MICB: variants seen among roughly 807,000 people sequenced by gnomAD.
MICB encodes MHC class I polypeptide-related sequence B, also known as MHC class I antigen-related protein B.
Under a neutral mutation model 34.3 loss-of-function variants are expected in MICB, and 27 were observed. The observed-to-expected ratio is 0.79, with a 90% CI of 0.58 to 1.08. MICB has a LOEUF of 1.08. MICB is among the 50% of genes least tolerant of loss of function. The pLI, the probability that MICB is intolerant of heterozygous loss-of-function variation, is 0.00. For synonymous variants in MICB, 153 were observed against 187.4 expected (o/e 0.82, Z 1.50); for missense variants, 426 against 483.1 (o/e 0.88, Z 1.11).
intron 1 of MICB, 98 bp from the exon 2 acceptor site, chr6:31,505,519 G>T: frequency 6.6e-7 from 1 of 1,526,204 alleles, no homozygotes; most frequent in Non-Finnish European, 8.9e-7. Context: ...CGCATTTCCT[G>T]CCTCCTCAGG....
Position 31,498,192 on chromosome 6 carries a change from C to A in MICB, c.-2C>A. 6.3e-7 allele frequency: 1 copy of A among 1,581,078 alleles called. No individual in the cohort carries two copies. Among genetic ancestry groups the A allele is most frequent in the Non-Finnish European group, 8.6e-7 (1 of 1,161,738 alleles). ...AGCTGAGAAGGTGGCGACGTAGGGG[C>A]CATGGGGCTGGGCCGGGTCCTGCTG... On this transcript the variant is annotated 5_prime_UTR_variant, in exon 1 of 6. Transcript: ENST00000252229.
chr6:31,507,449 T>A lies in MICB; in HGVS notation c.942T>A (p.Ser314=). 1 of 1,614,194 alleles carries A rather than the reference T, an allele frequency of 6.2e-7. No individual in the cohort carries two copies. The highest frequency in any genetic ancestry group is 1.1e-5 in the South Asian group (1 of 91,080). Residue 314 remains serine, a synonymous_variant, in exon 5 of 6, where the codon TCT becomes TCA. Transcript: ENST00000252229. This position sits in a 1 kb window ranked among gnomAD's most constrained non-coding sequence, Gnocchi z 6.0. ...AACGGACAGACTTTCCATATGTTTC[T>A]GCTGCTATGCCATGTTTTGTTATTA... ...QSQRTDFPYV[S]AAMPCFVIII...
chr6:31,505,640 C>G lies in MICB; in HGVS notation c.94C>G (p.Leu32Val). 6.2e-7 allele frequency: 1 copy of G among 1,612,772 alleles called. No individual in the cohort carries two copies. The highest frequency in any genetic ancestry group is 8.5e-7 in the Non-Finnish European group (1 of 1,179,908). The change falls in exon 2 of 6, where the codon CTC becomes GTC. Residue 32 changes from leucine (L) to valine (V), a missense_variant. Leu to Val is a conservative substitution (Grantham distance 32). Coordinates refer to ENST00000252229, the MANE Select transcript of MICB (RefSeq NM_005931.5). ...AGAGCCCCACAGTCTTCGTTACAAC[C>G]TCATGGTGCTGTCCCAGGATGGATC... The part of the protein sequence containing the change: ...AAEPHSLRYN[L>V]MVLSQDGSVQ...
chr6:31,506,932 G>C (rs1765369305), intron 3 of MICB, 90 bp from the exon 4 acceptor site: 1 of 1,542,282 alleles, frequency 6.5e-7, no homozygotes, highest in African/African-American at 1.4e-5. Context: ...GATTCAGCCA[G>C]AGTGAGAACA....
intron 5 of MICB, among the ~76,000 whole-genome samples, chr6:31,509,418 C>G (rs1355595452): frequency 6.6e-6 from 1 of 152,172 alleles, no homozygotes; most frequent in East Asian, 1.9e-4. Context: ...AGAGAAGGGC[C>G]TGGGGACTGA....
upstream of MICB, among the ~76,000 whole-genome samples, chr6:31,496,459 C>T (rs1181247492): frequency 6.6e-6 from 1 of 150,638 alleles, no homozygotes; most frequent in Admixed American, 6.6e-5. Flanking sequence ...CTCCGCCTCC[C>T]GGGTTGACCC....
intron 1 of MICB, among the ~76,000 whole-genome samples, chr6:31,498,905 G>A (rs1249162521): frequency 6.6e-6 from 1 of 152,050 alleles, no homozygotes. Flanking sequence ...CTGGGTTCCC[G>A]GGCTGCTCCT....
Position 31,506,375 on chromosome 6 carries a change from C to G in MICB, c.558C>G (p.Asp186Glu), listed in dbSNP as rs1765328710. 4 of 1,614,206 alleles carry G rather than the reference C, an allele frequency of 2.5e-6. No individual in the cohort carries two copies. The highest frequency in any genetic ancestry group is 3.4e-6 in the Non-Finnish European group (4 of 1,180,032). Reference protein sequence around the residue: ...TKTHYRAMQADCLQKLQRYLK... With the variant: ...TKTHYRAMQAECLQKLQRYLK... ...CACACTATCGCGCTATGCAGGCAGACTGCCTGCAGAAACTACAGCGATATC... is the reference window on the plus strand; with the variant it reads ...CACACTATCGCGCTATGCAGGCAGAGTGCCTGCAGAAACTACAGCGATATC... The change falls in exon 3 of 6, where the codon GAC (aspartate) becomes GAG (glutamate). Residue 186 changes from aspartate to glutamate, a missense_variant. Physicochemically the swap from Asp to Glu is conservative, Grantham distance 45 (BLOSUM62 2). Coordinates refer to ENST00000252229, the MANE Select transcript of MICB (RefSeq NM_005931.5).
chr6:31,498,861 T>C (rs565076895), intron 1 of MICB, among the ~76,000 whole-genome samples: 2 of 152,174 alleles, frequency 1.3e-5, no homozygotes, highest in East Asian at 1.9e-4. Flanking sequence ...CCGTCTCCTC[T>C]CACTTTTCGG....
At chr6:31,499,577 C>G (rs1364801404) in intron 1 of MICB, among the ~76,000 whole-genome samples, 1 of 152,176 alleles carries the variant, frequency 6.6e-6, no homozygotes, top group Non-Finnish European at 1.5e-5. Flanking sequence ...TCCCACTCCC[C>G]TCCAGACCCC....
At chr6:31,496,017 G>T (rs1764634200), upstream of MICB, among the ~76,000 whole-genome samples, 1 of 152,212 alleles carries the variant, frequency 6.6e-6, no homozygotes, top group South Asian at 2.1e-4. Flanking sequence ...ATCACGTAGG[G>T]AACTTTAAAA....
chr6:31,497,270 G>T (rs3094005), upstream of MICB, among the ~76,000 whole-genome samples: 15,001 of 152,164 alleles, frequency 0.099, 833 homozygotes, highest in Non-Finnish European at 0.12. Flanking sequence ...AGAAACTGAG[G>T]AGGAAGAGAG....
chr6:31,509,747 C>G (rs17200670), intron 5 of MICB, 35 bp from the exon 6 acceptor site: 2 of 1,583,604 alleles, frequency 1.3e-6, no homozygotes, highest in Non-Finnish European at 1.7e-6. Context: ...AACACTGCAC[C>G]CAGTGGAGCA....
At chr6:31,499,154 C>A (rs1229743135) in intron 1 of MICB, among the ~76,000 whole-genome samples, 1 of 152,040 alleles carries the variant, frequency 6.6e-6, no homozygotes, top group Non-Finnish European at 1.5e-5. Flanking sequence ...TTGGAGTCTG[C>A]AGGCTCCGGG....
chr6:31,509,834 C>A lies in MICB; in HGVS notation c.1077C>A (p.His359Gln). 1.2e-6 allele frequency: 2 copies of A among 1,613,756 alleles called. No individual in the cohort carries two copies. The highest frequency in any genetic ancestry group is 1.7e-6 in the Non-Finnish European group (2 of 1,179,802). The stretch of plus-strand genomic sequence containing the variant: ...AACACCCAGTTGGGACAGGAGACCA[C>A]AGGGATGCAGCACAGCTGGGATTTC... Reference protein sequence around the residue: ...LDQHPVGTGDHRDAAQLGFQP... With the variant: ...LDQHPVGTGDQRDAAQLGFQP... The change falls in exon 6 of 6, where the codon CAC becomes CAA. Residue 359 changes from histidine (H) to glutamine (Q), a missense_variant. By Grantham distance (24) the His-to-Gln change is conservative. Transcript: ENST00000252229.
At position 31,506,300 on chromosome 6, in the gene MICB, G is replaced by A; in HGVS notation, c.483G>A (p.Leu161=). Residue 161 remains leucine, a synonymous_variant, in exon 3 of 6, where the codon TTG becomes TTA. Transcript: ENST00000252229. ...TVPQSSRAQT[L]AMNVTNFWKE... is the part of the protein sequence containing the mutation. ...CCCAGTCCTCCAGAGCTCAGACCTT[G>A]GCTATGAACGTCACAAATTTCTGGA... 1 of 1,614,234 alleles carries A rather than the reference G, an allele frequency of 6.2e-7. No individual in the cohort carries two copies. The highest frequency in any genetic ancestry group is 8.5e-7 in the Non-Finnish European group (1 of 1,180,040).
chr6:31,508,675 G>T (rs749140106), intron 5 of MICB, among the ~76,000 whole-genome samples: 1 of 152,216 alleles, frequency 6.6e-6, no homozygotes, highest in Non-Finnish European at 1.5e-5. Context: ...GGCAGGAATG[G>T]TTTCCTCGTA....
rs192693532 is a variant in MICB, at chr6:31,502,799, G to A, written c.71-2818G>A. 3.4e-3 allele frequency among the ~76,000 whole-genome samples: 514 copies of A among 152,300 alleles called. 33 individuals carry two copies. The South Asian group carries it at 0.052, about 16-fold the overall frequency. ...ATTGTGTTGCATAACTGTAGTGAAA[G>A]TAGTCATCCTTGTCTTGTTCCAGAT... On this transcript the variant is annotated intron_variant, in intron 1 of 5. Coordinates refer to ENST00000252229, the MANE Select transcript of MICB (RefSeq NM_005931.5).
chr6:31,505,003 G>A (rs1180996921), intron 1 of MICB, among the ~76,000 whole-genome samples: 1 of 152,032 alleles, frequency 6.6e-6, no homozygotes, highest in Non-Finnish European at 1.5e-5. Flanking sequence ...CTGTCCTGGG[G>A]CCTTGTCATG....
Sources: allele counts gnomAD v4.1 joint callset (sites outside exome capture counted in the v4.1 genomes callset), GRCh38; gene constraint gnomAD v4.1.1; non-coding constraint Gnocchi (gnomAD v3.1); transcripts MANE v1.5; gene names NCBI Gene and HGNC (gene_info 2026-07-23, HGNC 2026-07-21).